Variants in FOCAD observed in about 807,000 individuals in gnomAD.
FOCAD encodes KIAA1797.
In FOCAD, 198 loss-of-function variants were observed where a neutral mutation model predicts 225.6. The ratio of observed to expected loss-of-function variants is 0.88; its 90% CI spans 0.78 to 0.99. The LOEUF is 0.99. FOCAD is among the 50% of genes least tolerant of loss of function. FOCAD has a pLI of 0.00. For missense variants in FOCAD, 2,713 were observed against 2,123.6 expected, an observed-to-expected ratio of 1.28 and a Z score of -5.46; for synonymous variants, 897 against 755.0, an observed-to-expected ratio of 1.19 and a Z score of -3.08.
At position 20,944,694 on chromosome 9, in the gene FOCAD, C is replaced by T. The variant is rs367733127; in HGVS notation, c.3475C>T (p.Arg1159Cys). 4.3e-6 allele frequency: 7 copies of T among 1,613,980 alleles called. No individual in the cohort carries two copies. The South Asian group carries it at 5.5e-5, about 13-fold the overall frequency. ...LMSHSSQMQSRVHVAALLRKL... is the reference protein window; with the variant it reads ...LMSHSSQMQSCVHVAALLRKL... Reference sequence around the variant, plus strand: ...GAGCCACAGCAGCCAAATGCAGTCCCGCGTTCACGTAGCAGCATTGCTCCG... The same window carrying T: ...GAGCCACAGCAGCCAAATGCAGTCCTGCGTTCACGTAGCAGCATTGCTCCG... Residue 1159 changes from arginine (R) to cysteine (C), a missense_variant, in exon 29 of 44, where the codon CGC becomes TGC. Physicochemically the swap from Arg to Cys is radical, Grantham distance 180. Transcript: ENST00000338382.
intron 11 of FOCAD, among the ~76,000 whole-genome samples, chr9:20,812,734 C>T (rs1191473751): frequency 6.6e-6 from 1 of 152,080 alleles, no homozygotes; most frequent in East Asian, 1.9e-4. Context: ...AAACTCCTAT[C>T]CACATTTTGC....
chr9:20,895,431 G>T (rs1024273870), intron 21 of FOCAD, among the ~76,000 whole-genome samples: 1 of 151,722 alleles, frequency 6.6e-6, no homozygotes, highest in African/African-American at 2.4e-5. Flanking sequence ...ACAATATTGA[G>T]CTTTCAAAAA....
intron 25 of FOCAD, among the ~76,000 whole-genome samples, chr9:20,925,979 C>T (rs775362200): frequency 6.6e-6 from 1 of 152,160 alleles, no homozygotes; most frequent in Non-Finnish European, 1.5e-5. Flanking sequence ...CTTTTAACCT[C>T]CATATTATCT....
chr9:20,845,293 C>T (rs1826966380), intron 15 of FOCAD, among the ~76,000 whole-genome samples: 1 of 151,808 alleles, frequency 6.6e-6, no homozygotes, highest in Admixed American at 6.6e-5. Context: ...CCAGATATAA[C>T]TCTGATAATA....
At chr9:20,829,429 A>T (rs28495957) in intron 15 of FOCAD, among the ~76,000 whole-genome samples, 23,919 of 151,732 alleles carry the variant, frequency 0.16, 2,066 homozygotes, top group East Asian at 0.28. Context: ...TTTTTTTTCA[A>T]ACTATAGCCA....
At chr9:20,780,304 T>C (rs1819237754) in intron 9 of FOCAD, among the ~76,000 whole-genome samples, 1 of 152,224 alleles carries the variant, frequency 6.6e-6, no homozygotes. Context: ...TTTTGTTTTC[T>C]GACAAAAAAA....
intron 21 of FOCAD, among the ~76,000 whole-genome samples, chr9:20,903,523 G>A (rs1301432777): frequency 6.6e-6 from 1 of 151,790 alleles, no homozygotes; most frequent in African/African-American, 2.4e-5. Context: ...GCTTATAATG[G>A]TTCTCTCTTT....
intron 35 of FOCAD, among the ~76,000 whole-genome samples, chr9:20,953,639 G>A (rs4336686): frequency 0.93 from 141,878 of 152,250 alleles, 66,433 homozygotes; most frequent in East Asian, 1. Context: ...AGCCAGAACA[G>A]TGCCATGTAA....
rs1364698545 is a variant in FOCAD at position 20,789,555 on chromosome 9, C to T, written c.1402C>T (p.Leu468Phe). ...CCTTGTTGAAGACAAAGGACAAAAT[C>T]TTCACCAAATACTCAAGGTCACTAC... The part of the protein sequence containing the change: ...HLLVEDKGQN[L>F]HQILKVTTEL... Residue 468 changes from leucine (L) to phenylalanine (F), a missense_variant, in exon 11 of 44, where the codon CTT becomes TTT. Transcript: ENST00000338382. The T allele has an allele frequency of 1.9e-6, 3 of 1,613,974 alleles. No individual in the cohort carries two copies. The highest frequency in any genetic ancestry group is 4.5e-5 in the East Asian group (2 of 44,854).
Position 20,862,716 on chromosome 9 carries a change from T to A in FOCAD, c.2055+4T>A. 1 of 1,610,286 alleles carries A rather than the reference T, an allele frequency of 6.2e-7. No homozygotes were observed. Among genetic ancestry groups the A allele is most frequent in the Non-Finnish European group, 8.5e-7 (1 of 1,178,312 alleles). ...GGTCAATACAACTGAATATGAGGTA[T>A]GCATTTGGAGCTCAGCACATTGCCT... On this transcript the variant is annotated splice_donor_region_variant and intron_variant, in intron 16 of 43. Transcript: ENST00000338382.
At chr9:20,948,798 T>A (rs1313660227) in intron 31 of FOCAD, 53 bp from the exon 32 acceptor site, 1 of 1,589,702 alleles carries the variant, frequency 6.3e-7, no homozygotes, top group Non-Finnish European at 8.6e-7. Flanking sequence ...TTTTATAGAA[T>A]CTAAACCCAA....
At chr9:20,891,126 T>G (rs2891150) in intron 21 of FOCAD, among the ~76,000 whole-genome samples, 80,913 of 151,908 alleles carry the variant, frequency 0.53, 21,897 homozygotes, top group East Asian at 0.67. Context: ...CGATTGTAAT[T>G]GTTTTGAGGT....
intron 2 of FOCAD, among the ~76,000 whole-genome samples, chr9:20,679,121 ATGTG>A (rs539231126): frequency 0.036 from 4,409 of 121,854 alleles, 63 homozygotes; most frequent in East Asian, 0.069. Context: ...CAGTCTGTGT[ATGTG>A]TGTGTGTGTG....
At chr9:20,719,775 AG>A (rs1458188138) in intron 3 of FOCAD, among the ~76,000 whole-genome samples, 1 of 108,136 alleles carries the variant, frequency 9.2e-6, no homozygotes, top group Non-Finnish European at 2.0e-5. Flanking sequence ...CAGTTTTCCT[AG>A]GCTTTTTTTT....
chr9:20,955,789 AT>A (rs1393931933), intron 35 of FOCAD, among the ~76,000 whole-genome samples: 1 of 151,346 alleles, frequency 6.6e-6, no homozygotes, highest in Non-Finnish European at 1.5e-5. Flanking sequence ...CTGATTTCTG[AT>A]TTTCTCAAGA....
intron 8 of FOCAD, among the ~76,000 whole-genome samples, chr9:20,776,970 TAA>T (rs1261825484): frequency 1.3e-5 from 2 of 152,224 alleles, no homozygotes. Flanking sequence ...CTCAAATAGA[TAA>T]GAGTTGCTTC....
At chr9:20,796,864 G>C (rs975854722) in intron 11 of FOCAD, among the ~76,000 whole-genome samples, 1 of 151,502 alleles carries the variant, frequency 6.6e-6, no homozygotes, top group Non-Finnish European at 1.5e-5. Context: ...CATTGCTTTT[G>C]GTGTTTTAGA....
intron 5 of FOCAD, among the ~76,000 whole-genome samples, chr9:20,755,973 T>C (rs1829008403): frequency 1.3e-5 from 2 of 152,122 alleles, no homozygotes; most frequent in Admixed American, 1.3e-4. Flanking sequence ...TTTGTGGTTT[T>C]AATTGAACAC....
At chr9:20,833,004 C>G (rs1044605273) in intron 15 of FOCAD, among the ~76,000 whole-genome samples, 2 of 151,982 alleles carry the variant, frequency 1.3e-5, no homozygotes, top group African/African-American at 4.8e-5. Flanking sequence ...GTTGCATATA[C>G]TACTTTGTGT....
Sources: allele counts gnomAD v4.1 joint callset (sites outside exome capture counted in the v4.1 genomes callset), GRCh38; gene constraint gnomAD v4.1.1; transcripts MANE v1.5; gene names NCBI Gene and HGNC (gene_info 2026-07-23, HGNC 2026-07-21).